The following SLC35F4 variants were observed in gnomAD, a reference collection of about 807,000 sequenced individuals.
The protein encoded by SLC35F4 is chromosome 14 open reading frame 36.
In SLC35F4, 24 loss-of-function variants were observed where a neutral mutation model predicts 44.2. The observed-to-expected ratio is 0.54, with a 90% CI of 0.39 to 0.76. SLC35F4 has a LOEUF of 0.76. Among genes scored for constraint, SLC35F4 ranks in the 30% least tolerant of loss-of-function variants. The probability of loss-of-function intolerance (pLI) is 0.00; values close to 1 mark genes in which losing one functional copy is unlikely to be tolerated. For missense variants in SLC35F4, 562 were observed against 586.1 expected (o/e 0.96, Z 0.42); for synonymous variants, 238 against 223.6 (o/e 1.06, Z -0.57).
At chr14:57,753,987 C>T (rs1354831081) in intron 1 of SLC35F4, among the ~76,000 whole-genome samples, 1 of 151,128 alleles carries the variant, frequency 6.6e-6, no homozygotes, top group Non-Finnish European at 1.5e-5. Context: ...ATGTGTGTGA[C>T]AAAGATTTCC....
In SLC35F4 at chr14:57,593,972, A is replaced by C. The variant is rs778304838; in HGVS notation, c.256T>G (p.Cys86Gly). ...ELQNQGSSGV[C>G]GHRVERQNRS... is the part of the protein sequence containing the mutation. ...TTCTGTCTCTCAACTCTGTGTCCAC[A>C]AACTCCTGAGGATCCTTGGTTTTGA... Residue 86 changes from cysteine (C) to glycine (G), a missense_variant, in exon 2 of 8, where the codon TGT (cysteine) becomes GGT (glycine). Transcript: ENST00000556826. 1.2e-6 allele frequency: 2 copies of C among 1,613,912 alleles called. No individual in the cohort carries two copies. Among genetic ancestry groups the C allele is most frequent in the Non-Finnish European group, 8.5e-7 (1 of 1,179,852 alleles).
chr14:57,930,903 C>T (rs541479915), intron 1 of SLC35F4, among the ~76,000 whole-genome samples: 1 of 152,082 alleles, frequency 6.6e-6, no homozygotes, highest in South Asian at 2.1e-4. Flanking sequence ...AGTAATAAAC[C>T]CCAAATTGCA....
chr14:57,886,631 G>C (rs1415556038), intron 1 of SLC35F4, among the ~76,000 whole-genome samples: 1 of 152,080 alleles, frequency 6.6e-6, no homozygotes, highest in Non-Finnish European at 1.5e-5. Flanking sequence ...TGAAGAATTT[G>C]ACTCTTACCA....
intron 1 of SLC35F4, among the ~76,000 whole-genome samples, chr14:57,634,550 C>G (rs182301565): frequency 2.0e-5 from 3 of 152,164 alleles, no homozygotes; most frequent in East Asian, 3.9e-4. Flanking sequence ...ATTGGAAAAA[C>G]AGAAAACTCC....
At chr14:57,855,333 T>C (rs890256722) in intron 1 of SLC35F4, among the ~76,000 whole-genome samples, 11 of 151,756 alleles carry the variant, frequency 7.2e-5, no homozygotes, top group South Asian at 6.2e-4. Context: ...CTTAAACAAA[T>C]TTACAAGAAA....
intron 1 of SLC35F4, among the ~76,000 whole-genome samples, chr14:57,845,505 C>T (rs1252719891): frequency 1.3e-5 from 2 of 152,194 alleles, no homozygotes; most frequent in Non-Finnish European, 2.9e-5. Context: ...ATTCAAGCCT[C>T]AAACATTACT....
At chr14:57,867,384 G>T (rs1438704723), upstream of SLC35F4, among the ~76,000 whole-genome samples, 1 of 152,146 alleles carries the variant, frequency 6.6e-6, no homozygotes, top group Non-Finnish European at 1.5e-5. Flanking sequence ...ACAAAGCTTA[G>T]CACGGGATCT....
intron 1 of SLC35F4, among the ~76,000 whole-genome samples, chr14:57,970,714 T>C (rs1011405883): frequency 1.3e-5 from 2 of 151,956 alleles, no homozygotes; most frequent in Non-Finnish European, 2.9e-5. Flanking sequence ...ACCTTGGGAG[T>C]TGGCTCTATG....
intron 1 of SLC35F4, among the ~76,000 whole-genome samples, chr14:57,721,006 A>G (rs975004975): frequency 8.2e-6 from 1 of 121,336 alleles, no homozygotes; most frequent in African/African-American, 2.9e-5. Flanking sequence ...ATATATATAT[A>G]TATATATATG....
chr14:57,771,998 C>G (rs567510297), intron 1 of SLC35F4, among the ~76,000 whole-genome samples: 20 of 152,256 alleles, frequency 1.3e-4, no homozygotes, highest in Middle Eastern at 6.8e-3. Flanking sequence ...TATGTGTTAT[C>G]TTTGACATTA....
chr14:57,811,695 T>C (rs1185625125), intron 1 of SLC35F4, among the ~76,000 whole-genome samples: 2 of 152,240 alleles, frequency 1.3e-5, no homozygotes, highest in Non-Finnish European at 2.9e-5. Flanking sequence ...AATGTGCATG[T>C]AGAGTTTTCA....
chr14:57,750,244 T>C, intron 1 of SLC35F4, among the ~76,000 whole-genome samples: 1 of 152,198 alleles, frequency 6.6e-6, no homozygotes, highest in East Asian at 1.9e-4. Flanking sequence ...GTCTGAATAG[T>C]ATTTCATTGT....
At chr14:57,578,384 A>C (rs2068976635) in intron 4 of SLC35F4, among the ~76,000 whole-genome samples, 1 of 103,580 alleles carries the variant, frequency 9.7e-6, no homozygotes. Flanking sequence ...GTGGGATGAC[A>C]TCTGGAGGGG....
At chr14:57,889,943 C>T (rs1888724708) in intron 1 of SLC35F4, among the ~76,000 whole-genome samples, 1 of 152,122 alleles carries the variant, frequency 6.6e-6, no homozygotes, top group Admixed American at 6.5e-5. Flanking sequence ...AAGTTTTTAT[C>T]TGCCCTTGTA....
At chr14:57,793,858 G>A (rs1409377850) in intron 1 of SLC35F4, among the ~76,000 whole-genome samples, 6 of 151,946 alleles carry the variant, frequency 3.9e-5, no homozygotes, top group Non-Finnish European at 2.9e-5. Flanking sequence ...CAGTGTATAA[G>A]CATTCACATA....
At chr14:57,701,214 G>C (rs1040838008) in intron 1 of SLC35F4, among the ~76,000 whole-genome samples, 3 of 151,918 alleles carry the variant, frequency 2.0e-5, no homozygotes, top group African/African-American at 7.3e-5. Context: ...ACCTACACAG[G>C]GTCAAAATCA....
At chr14:57,927,623 T>A (rs900919008) in intron 1 of SLC35F4, among the ~76,000 whole-genome samples, 1 of 151,982 alleles carries the variant, frequency 6.6e-6, no homozygotes, top group African/African-American at 2.4e-5. Flanking sequence ...CCCAAGTAGC[T>A]GGGATTACAG....
At chr14:57,700,975 C>A (rs1042850510) in intron 1 of SLC35F4, among the ~76,000 whole-genome samples, 1 of 151,920 alleles carries the variant, frequency 6.6e-6, no homozygotes, top group East Asian at 1.9e-4. Context: ...TACTTTTTTT[C>A]TAGCTTAAAT....
At chr14:57,722,731 TA>T (rs2140441473) in intron 1 of SLC35F4, among the ~76,000 whole-genome samples, 1 of 152,318 alleles carries the variant, frequency 6.6e-6, no homozygotes, top group Non-Finnish European at 1.5e-5. Flanking sequence ...ACGGTGTTCC[TA>T]GAAGTGAAAA....
Sources: allele counts gnomAD v4.1 joint callset (sites outside exome capture counted in the v4.1 genomes callset), GRCh38; gene constraint gnomAD v4.1.1; transcripts MANE v1.5; gene names NCBI Gene and HGNC (gene_info 2026-07-23, HGNC 2026-07-21).